CLU: variants seen among roughly 807,000 people sequenced by gnomAD.
The protein encoded by CLU is aging-associated protein 4.
Under a neutral mutation model 46.4 loss-of-function variants are expected in CLU, and 25 were observed. The observed-to-expected ratio is 0.54, with a 90% confidence interval of 0.39 to 0.75. The LOEUF is 0.75. Among genes scored for constraint, CLU ranks in the 30% least tolerant of loss-of-function variants. CLU has a pLI of 0.00. For missense variants in CLU, 504 were observed against 592.1 expected, an observed-to-expected ratio of 0.85 and a Z score of 1.54; for synonymous variants, 235 against 235.1, an observed-to-expected ratio of 1.00 and a Z score of 0.00.
intron 6 of CLU, among the ~76,000 whole-genome samples, chr8:27,602,823 G>C (rs1436279892): frequency 6.6e-6 from 1 of 152,110 alleles, no homozygotes; most frequent in East Asian, 1.9e-4. Context: ...CCAGAACTTT[G>C]GGAGGCCGAG....
chr8:27,598,759 G>C (rs1800662955), intron 7 of CLU, 124 bp from the exon 8 acceptor site: 1 of 892,160 alleles, frequency 1.1e-6, no homozygotes, highest in Non-Finnish European at 1.8e-6. Flanking sequence ...CTAGAGAGCT[G>C]ACCCCATGCT....
chr8:27,605,448 A>G, intron 4 of CLU, 113 bp from the exon 5 acceptor site: 1 of 1,085,140 alleles, frequency 9.2e-7, no homozygotes, highest in Non-Finnish European at 1.4e-6. Flanking sequence ...TAACAGTCAC[A>G]CAGCAAGTGA....
chr8:27,596,920 CTT>C lies in CLU; in HGVS notation c.*1319_*1320del, dbSNP rs902188001. On this transcript the variant is annotated 3_prime_UTR_variant, in exon 9 of 9. Transcript: ENST00000316403. ...CATAACAGTGGAAAAGAAAAAGTAA[CTT>C]TTGAAACAGTGTGACATTAATGTGA... 4.5e-6 allele frequency: 2 copies of C among 446,676 alleles called. No homozygotes were observed. The highest frequency in any genetic ancestry group is 2.1e-5 in the African/African-American group (1 of 48,294). 27.7% of individuals were successfully genotyped at this position (446,676 alleles called of 1,614,324 possible).
intron 6 of CLU, among the ~76,000 whole-genome samples, chr8:27,600,680 C>T (rs867242000): frequency 3.9e-5 from 6 of 152,324 alleles, no homozygotes; most frequent in Middle Eastern, 3.4e-3. Context: ...TCCATGTTCT[C>T]AGACCTGGAG....
At chr8:27,600,051 G>A (rs1014944179) in intron 6 of CLU, 42 bp from the exon 7 acceptor site, 1 of 1,479,392 alleles carries the variant, frequency 6.8e-7, no homozygotes, top group Admixed American at 1.7e-5. Context: ...AGTGTGAAGG[G>A]AAGGCTACAA....
chr8:27,610,836 T>C (rs930256097), intron 1 of CLU: 4 of 504,090 alleles, frequency 7.9e-6, no homozygotes, highest in East Asian at 7.4e-5. Context: ...ACAGCAATGT[T>C]GAGTGGAAGA....
chr8:27,610,918 C>A (rs1247268623), intron 1 of CLU: 1 of 386,008 alleles, frequency 2.6e-6, no homozygotes, highest in African/African-American at 2.1e-5. Flanking sequence ...CAGCGAGGCA[C>A]ACAGGCTTTC....
At chr8:27,609,931 A>G (rs906098738) in intron 2 of CLU, among the ~76,000 whole-genome samples, 5 of 152,064 alleles carry the variant, frequency 3.3e-5, no homozygotes, top group African/African-American at 9.7e-5. Context: ...TACCTTAAAT[A>G]TACACAATTT....
At chr8:27,607,156 G>A (rs111578995) in intron 3 of CLU, among the ~76,000 whole-genome samples, 3,482 of 152,178 alleles carry the variant, frequency 0.023, 136 homozygotes, top group African/African-American at 0.079. Flanking sequence ...TGGCTAACAT[G>A]GTGAAACTCC....
In CLU at chr8:27,609,450, TA is replaced by T. The variant is rs772397870; in HGVS notation, c.98-365del. 2.6e-5 allele frequency among the ~76,000 whole-genome samples: 4 copies of T among 152,050 alleles called. 1 individual carries two copies. The highest frequency in any genetic ancestry group is 1.3e-4 in the Admixed American group (2 of 15,274). On this transcript the variant is annotated intron_variant, in intron 2 of 8. Transcript: ENST00000316403. ...GCAGCATCAAAATATAAAATATTGTTATTTTGGACACAAATCTTTCTAGAGT... is the reference window on the plus strand; with the variant it reads ...GCAGCATCAAAATATAAAATATTGTTTTTTGGACACAAATCTTTCTAGAGT...
chr8:27,613,007 C>A (rs571431499), intron 1 of CLU, among the ~76,000 whole-genome samples: 3 of 151,716 alleles, frequency 2.0e-5, no homozygotes, highest in Admixed American at 1.3e-4. Context: ...GGGAGCAACT[C>A]CCCTCCAGGC....
In CLU at chr8:27,614,672, T is replaced by C. The variant is rs768110991; in HGVS notation, c.-47A>G. 1.9e-6 allele frequency: 1 copy of C among 532,220 alleles called. No individual in the cohort carries two copies. Among genetic ancestry groups the C allele is most frequent in the East Asian group, 5.5e-5 (1 of 18,248 alleles). 33.0% of individuals were successfully genotyped at this position (532,220 alleles called of 1,614,324 possible). ...CATCTCACCGGTCAGCGGCACCCTG[T>C]GCCCGCGCGCTCCTCCTGGCGACGC... On this transcript the variant is annotated 5_prime_UTR_variant, in exon 1 of 9. Transcript: ENST00000316403.
intron 3 of CLU, among the ~76,000 whole-genome samples, chr8:27,607,772 C>T (rs1369237599): frequency 6.6e-6 from 1 of 151,048 alleles, no homozygotes; most frequent in Non-Finnish European, 1.5e-5. Flanking sequence ...AGCCTATCCA[C>T]ACCCCAGAGT....
chr8:27,611,401 T>C (rs1457387703), intron 1 of CLU: 1 of 456,774 alleles, frequency 2.2e-6, no homozygotes, highest in South Asian at 1.6e-5. Flanking sequence ...CCATCCCCTC[T>C]AAGCCGACAG....
chr8:27,609,146 G>A (rs2128909962), intron 2 of CLU, 60 bp from the exon 3 acceptor site: 1 of 1,583,718 alleles, frequency 6.3e-7, no homozygotes, highest in Middle Eastern at 1.7e-4. Context: ...TCAGGACCCT[G>A]GAATGAGCTG....
rs1456719423 is a variant in CLU, at chr8:27,599,933, C to G, written c.1011G>C (p.Leu337Phe). 6.2e-7 allele frequency: 1 copy of G among 1,614,108 alleles called. No individual in the cohort carries two copies. The highest frequency in any genetic ancestry group is 8.5e-7 in the Non-Finnish European group (1 of 1,180,058). ...LDESLQVAER[L>F]TRKYNELLKS... ...TTAGCAGCTCGTTGTATTTCCTGGTCAACCTCTCAGCGACCTGGAGGGATT... is the reference window on the plus strand; with the variant it reads ...TTAGCAGCTCGTTGTATTTCCTGGTGAACCTCTCAGCGACCTGGAGGGATT... The change falls in exon 7 of 9, where the codon TTG (leucine) becomes TTC (phenylalanine). Residue 337 changes from leucine (L) to phenylalanine (F), a missense_variant. Around this residue, in one of 3 missense-constraint regions of CLU, gnomAD observed 428 missense variants for 484.0 expected, o/e 0.88. Coordinates refer to ENST00000316403, the MANE Select transcript of CLU (RefSeq NM_001831.4). This position sits in a 1 kb window ranked among gnomAD's most constrained non-coding sequence, Gnocchi z 4.0.
chr8:27,609,474 A>C (rs1800883151), intron 2 of CLU, among the ~76,000 whole-genome samples: 1 of 152,020 alleles, frequency 6.6e-6, no homozygotes, highest in African/African-American at 2.4e-5. Context: ...ATCTTTCTAG[A>C]GTTCAGTTTA....
Position 27,598,098 on chromosome 8 carries a change from G to C in CLU, c.*143C>G, listed in dbSNP as rs1800642282. On this transcript the variant is annotated 3_prime_UTR_variant, in exon 9 of 9. Transcript: ENST00000316403. ...TGTTAGAGTGCAGGATCCAGAGCGGGGAGAGGCTGGGCGGAGTTGGGGGCC... is the reference window on the plus strand; with the variant it reads ...TGTTAGAGTGCAGGATCCAGAGCGGCGAGAGGCTGGGCGGAGTTGGGGGCC... The C allele has an allele frequency of 2.6e-6, 2 of 756,638 alleles. No individual in the cohort carries two copies. The highest frequency in any genetic ancestry group is 2.0e-5 in the Admixed American group (1 of 50,296). 46.9% of individuals were successfully genotyped at this position (756,638 alleles called of 1,614,324 possible). A position where few individuals can be genotyped will look rare whatever the true frequency, so the allele number is the denominator to read the frequency against.
chr8:27,605,015 G>T lies in CLU; in HGVS notation c.738C>A (p.Pro246=). 1 of 1,614,108 alleles carries T rather than the reference G, an allele frequency of 6.2e-7. No homozygotes were observed. The highest frequency in any genetic ancestry group is 8.5e-7 in the Non-Finnish European group (1 of 1,180,032). The part of the protein sequence containing the change: ...EPLNFHAMFQ[P]FLEMIHEAQQ... ...GAGCCTCGTGTATCATCTCAAGGAAGGGCTGGAACATGGCGTGGAAGTTCA... is the reference window on the plus strand; with the variant it reads ...GAGCCTCGTGTATCATCTCAAGGAATGGCTGGAACATGGCGTGGAAGTTCA... The change falls in exon 5 of 9, where the codon CCC becomes CCA. Residue 246 remains proline, a synonymous_variant. Transcript: ENST00000316403.
Sources: gnomAD v4.1 joint callset for allele counts (sites outside exome capture counted in the v4.1 genomes callset) on GRCh38, gnomAD v4.1.1 for gene constraint, gnomAD v4.1.1 regional missense constraint, Gnocchi (gnomAD v3.1) non-coding constraint, MANE v1.5 for transcripts, NCBI Gene and HGNC (gene_info 2026-07-23, HGNC 2026-07-21) for gene names.